The following ALKBH5 variants were observed in gnomAD, a reference collection of about 807,000 sequenced individuals.
The protein encoded by ALKBH5 is alkB homolog 5, RNA demethylase.
A neutral mutation model predicts 32.1 loss-of-function variants in ALKBH5; 2 were observed. That is an observed-to-expected ratio of 0.06 (90% CI 0.03 to 0.20). The LOEUF is 0.20. Ranked by LOEUF, ALKBH5 falls within the 10% of genes least tolerant of loss-of-function variation. The probability of loss-of-function intolerance (pLI) is 1.00; values close to 1 mark genes in which losing one functional copy is unlikely to be tolerated. For synonymous variants in ALKBH5, 300 were observed against 231.7 expected (o/e 1.29, Z -2.68); for missense variants, 352 against 559.5 (o/e 0.63, Z 3.74).
At chr17:18,195,543 A>G (rs1255658378) in intron 2 of ALKBH5, among the ~76,000 whole-genome samples, 4 of 152,196 alleles carry the variant, frequency 2.6e-5, no homozygotes, top group Non-Finnish European at 5.9e-5. Flanking sequence ...TGGGGAGGGA[A>G]TCAGGGATGT....
chr17:18,197,696 T>TA lies in ALKBH5; in HGVS notation c.851+2663dup, dbSNP rs2047212296. On this transcript the variant is annotated intron_variant, in intron 2 of 3. Transcript: ENST00000399138. ...CAGCACAGCTAGGAGTCTGCACCGTTAATCAGCTCCCTGGGAAGCTTTTCA... is the reference window on the plus strand; with the variant it reads ...CAGCACAGCTAGGAGTCTGCACCGTTAAATCAGCTCCCTGGGAAGCTTTTCA... Among the ~76,000 whole-genome samples the TA allele has an allele frequency of 2.0e-5, 3 of 152,334 alleles. No individual in the cohort carries two copies. In the South Asian group the frequency reaches 6.2e-4, roughly 32 times the overall value.
At chr17:18,207,025 G>C in intron 3 of ALKBH5, 55 bp downstream of exon 3, 1 of 1,586,738 alleles carries the variant, frequency 6.3e-7, no homozygotes, top group Middle Eastern at 1.7e-4. Flanking sequence ...TGCAGGGTGA[G>C]AAGGGTGGAG....
chr17:18,201,774 GATA>G lies in ALKBH5; in HGVS notation c.852-5040_852-5038del, dbSNP rs1567676592. 4.1e-3 allele frequency among the ~76,000 whole-genome samples: 555 copies of G among 136,224 alleles called. 2 individuals carry two copies. Among genetic ancestry groups the G allele is most frequent in the African/African-American group, 9.0e-3 (332 of 36,872 alleles). 89.4% of individuals were successfully genotyped at this position (136,224 alleles called of 152,430 possible). ...AGATAGATAGATAGATAGATAGATAGATAGATAGATAGGATAGATAAGATAGAT... is the reference window on the plus strand; with the variant it reads ...AGATAGATAGATAGATAGATAGATAGGATAGATAGGATAGATAAGATAGAT... On this transcript the variant is annotated intron_variant, in intron 2 of 3. Transcript: ENST00000399138.
chr17:18,196,702 C>T (rs1164214835), intron 2 of ALKBH5, among the ~76,000 whole-genome samples: 1 of 152,176 alleles, frequency 6.6e-6, no homozygotes, highest in East Asian at 1.9e-4. Flanking sequence ...GTCAGGTTTT[C>T]CACTGTAAAA....
chr17:18,206,712 A>AG (rs2047270730), intron 2 of ALKBH5, 103 bp from the exon 3 acceptor site: 1 of 1,300,166 alleles, frequency 7.7e-7, no homozygotes, highest in Non-Finnish European at 1.1e-6. Flanking sequence ...GCTGGCTTCC[A>AG]GGTCTAGCTG....
intron 2 of ALKBH5, among the ~76,000 whole-genome samples, chr17:18,196,011 A>T (rs530823167): frequency 2.0e-5 from 3 of 152,152 alleles, no homozygotes; most frequent in Non-Finnish European, 4.4e-5. Flanking sequence ...CAGAGTTCTC[A>T]TGTACTCTGC....
chr17:18,204,948 G>T (rs970886828), intron 2 of ALKBH5, among the ~76,000 whole-genome samples: 3 of 151,946 alleles, frequency 2.0e-5, no homozygotes, highest in Non-Finnish European at 4.4e-5. Context: ...TTCTTGGGAG[G>T]CTTGGGCAGG....
intron 1 of ALKBH5, among the ~76,000 whole-genome samples, chr17:18,192,113 C>T (rs978295314): frequency 2.0e-5 from 3 of 152,196 alleles, no homozygotes; most frequent in African/African-American, 4.8e-5. Flanking sequence ...GGGGCCCAGG[C>T]GGCCCCCACT....
At chr17:18,201,766 G>GATAA (rs2142485251) in intron 2 of ALKBH5, among the ~76,000 whole-genome samples, 2 of 136,078 alleles carry the variant, frequency 1.5e-5, no homozygotes, top group South Asian at 5.4e-4. Flanking sequence ...TAGATAGATA[G>GATAA]ATAGATAGAT....
intron 1 of ALKBH5, among the ~76,000 whole-genome samples, chr17:18,190,663 G>A (rs578076390): frequency 2.5e-4 from 38 of 152,300 alleles, no homozygotes; most frequent in African/African-American, 8.4e-4. Flanking sequence ...GGTTCTAAGT[G>A]GTAGAATAGT....
At chr17:18,191,581 TG>T (rs988300505) in intron 1 of ALKBH5, among the ~76,000 whole-genome samples, 2 of 152,100 alleles carry the variant, frequency 1.3e-5, no homozygotes, top group African/African-American at 4.8e-5. Context: ...TCAGGGCCCT[TG>T]GTTATGCATA....
chr17:18,195,288 C>G (rs568089810), intron 2 of ALKBH5, among the ~76,000 whole-genome samples: 21 of 152,318 alleles, frequency 1.4e-4, no homozygotes, highest in African/African-American at 4.6e-4. Flanking sequence ...TGGGTATAAT[C>G]TTGAGACAAG....
At chr17:18,194,821 G>A in intron 1 of ALKBH5, 134 bp from the exon 2 acceptor site, 1 of 659,136 alleles carries the variant, frequency 1.5e-6, no homozygotes. Flanking sequence ...CTTCCATGTA[G>A]ATCCTTGAAA....
intron 1 of ALKBH5, among the ~76,000 whole-genome samples, chr17:18,192,801 A>G (rs974013940): frequency 1.3e-5 from 2 of 151,908 alleles, no homozygotes; most frequent in Admixed American, 1.3e-4. Flanking sequence ...TTGAAACTCT[A>G]ATCAGTATTT....
At chr17:18,203,673 C>G (rs996182513) in intron 2 of ALKBH5, among the ~76,000 whole-genome samples, 1 of 152,242 alleles carries the variant, frequency 6.6e-6, no homozygotes, top group Non-Finnish European at 1.5e-5. Context: ...ACCTGGCCTA[C>G]GCCATGAGAG....
At chr17:18,193,631 T>TA (rs1314140106) in intron 1 of ALKBH5, among the ~76,000 whole-genome samples, 1 of 152,224 alleles carries the variant, frequency 6.6e-6, no homozygotes, top group Non-Finnish European at 1.5e-5. Flanking sequence ...GGTGCTTCCT[T>TA]AAGGCTGAGC....
At chr17:18,204,530 G>A (rs926895135) in intron 2 of ALKBH5, among the ~76,000 whole-genome samples, 3 of 152,112 alleles carry the variant, frequency 2.0e-5, no homozygotes, top group African/African-American at 7.2e-5. Flanking sequence ...GGGAGGCTGA[G>A]ATGGGCAGAT....
chr17:18,205,172 A>G (rs2047262204), intron 2 of ALKBH5, among the ~76,000 whole-genome samples: 2 of 152,116 alleles, frequency 1.3e-5, no homozygotes. Context: ...GATTCCTTAG[A>G]CCCTCAGCGC....
chr17:18,186,881 C>A (rs980196495), intron 1 of ALKBH5, among the ~76,000 whole-genome samples: 3 of 152,074 alleles, frequency 2.0e-5, no homozygotes, highest in African/African-American at 7.2e-5. Flanking sequence ...AGCTGGCTTT[C>A]CCATCTGTAA....
Sources: allele counts gnomAD v4.1 joint callset (sites outside exome capture counted in the v4.1 genomes callset), GRCh38; gene constraint gnomAD v4.1.1; transcripts MANE v1.5; gene names NCBI Gene and HGNC (gene_info 2026-07-23, HGNC 2026-07-21).